THOC7: variants seen among roughly 807,000 people sequenced by gnomAD.
The protein encoded by THOC7 is THO complex subunit 7.
Under a neutral mutation model 33.1 loss-of-function variants are expected in THOC7, and 22 were observed. That is an observed-to-expected ratio of 0.66 (90% CI 0.47 to 0.95). THOC7 has a LOEUF of 0.95. Among genes scored for constraint, THOC7 ranks in the 40% least tolerant of loss-of-function variants. THOC7 has a pLI of 0.00. For synonymous variants in THOC7, 77 were observed against 76.8 expected (o/e 1.00, Z -0.01); for missense variants, 184 against 245.3 (o/e 0.75, Z 1.67).
upstream of THOC7, chr3:63,863,812 G>A: frequency 8.1e-7 from 1 of 1,234,634 alleles, no homozygotes; most frequent in Middle Eastern, 3.1e-4. Flanking sequence ...CGGCGGCGGC[G>A]GCGGCGGCGG....
intron 1 of THOC7, among the ~76,000 whole-genome samples, chr3:63,859,868 G>A (rs1461188440): frequency 6.6e-6 from 1 of 152,200 alleles, no homozygotes; most frequent in Non-Finnish European, 1.5e-5. Context: ...GTTGTAGTTT[G>A]TCTTTCCTCT....
At chr3:63,863,964 CGCCGCCGCCGCCGCG>C (rs1342040621), upstream of THOC7, 2 of 91,422 alleles carry the variant, frequency 2.2e-5, no homozygotes, top group Non-Finnish European at 4.8e-5. Flanking sequence ...CCGCCGCCGC[CGCCGCCGCCGCCGCG>C]GGACCCGCGC....
At chr3:63,842,823 T>C (rs1057128852) in intron 1 of THOC7, among the ~76,000 whole-genome samples, 2 of 152,092 alleles carry the variant, frequency 1.3e-5, no homozygotes, top group African/African-American at 4.8e-5. Flanking sequence ...TCACCACTGA[T>C]CTGGCTGGAA....
intron 7 of THOC7, 78 bp downstream of exon 7, chr3:63,835,076 T>C: frequency 1.4e-6 from 2 of 1,386,580 alleles, no homozygotes; most frequent in Non-Finnish European, 1.0e-6. Flanking sequence ...CTCTCCAAGA[T>C]GTATATTTCA....
At chr3:63,838,546 C>A in intron 2 of THOC7, 47 bp from the exon 3 acceptor site, 1 of 1,541,746 alleles carries the variant, frequency 6.5e-7, no homozygotes, top group Non-Finnish European at 8.7e-7. Flanking sequence ...TGTGGACTGA[C>A]AAAAGTGAAC....
intron 1 of THOC7, among the ~76,000 whole-genome samples, chr3:63,856,624 G>A (rs1214814467): frequency 4.6e-5 from 7 of 152,052 alleles, no homozygotes; most frequent in African/African-American, 1.7e-4. Context: ...ATACCCACTG[G>A]TATACTAGCC....
intron 1 of THOC7, among the ~76,000 whole-genome samples, chr3:63,851,135 C>G (rs1702012200): frequency 6.6e-6 from 1 of 152,132 alleles, no homozygotes; most frequent in African/African-American, 2.4e-5. Context: ...CAGTAGTCTC[C>G]CTGGTGTACT....
intron 1 of THOC7, among the ~76,000 whole-genome samples, chr3:63,853,227 G>C (rs981694300): frequency 6.6e-6 from 1 of 151,576 alleles, no homozygotes; most frequent in African/African-American, 2.4e-5. Context: ...GACTTGGTTA[G>C]GAAAAAACAG....
chr3:63,844,532 T>C (rs1383030724), intron 1 of THOC7, among the ~76,000 whole-genome samples: 4 of 152,206 alleles, frequency 2.6e-5, no homozygotes, highest in Non-Finnish European at 5.9e-5. Context: ...TTAATTGCCA[T>C]CGTGCCAGTA....
chr3:63,848,811 T>C (rs1437535272), intron 1 of THOC7, among the ~76,000 whole-genome samples: 1 of 152,232 alleles, frequency 6.6e-6, no homozygotes, highest in Non-Finnish European at 1.5e-5. Flanking sequence ...TATTTTGTTT[T>C]ACAGATTTAA....
intron 1 of THOC7, 71 bp from the exon 2 acceptor site, chr3:63,839,844 G>T: frequency 1.6e-6 from 2 of 1,243,862 alleles, no homozygotes; most frequent in Non-Finnish European, 2.3e-6. Flanking sequence ...CAGTATCACT[G>T]TTCATTTGTT....
intron 1 of THOC7, 57 bp from the exon 2 acceptor site, chr3:63,839,830 T>C: frequency 7.2e-7 from 1 of 1,385,664 alleles, no homozygotes; most frequent in Non-Finnish European, 1.0e-6. Flanking sequence ...CAAGTACAAA[T>C]AACCAGTATC....
chr3:63,843,151 C>T (rs1000374389), intron 1 of THOC7, among the ~76,000 whole-genome samples: 1 of 151,782 alleles, frequency 6.6e-6, no homozygotes, highest in African/African-American at 2.4e-5. Flanking sequence ...CAGAGTCTCA[C>T]TCTTTCATCC....
upstream of THOC7, chr3:63,863,913 C>G (rs867818374): frequency 8.9e-6 from 9 of 1,012,014 alleles, no homozygotes; most frequent in Non-Finnish European, 1.1e-5. Flanking sequence ...CGGCGGCGCC[C>G]GCGGCCGCCT....
At chr3:63,848,284 C>G (rs1701945503) in intron 1 of THOC7, 1 of 152,080 alleles carries the variant, frequency 6.6e-6, no homozygotes, top group Non-Finnish European at 1.5e-5. Context: ...AGCCTGCTAG[C>G]TGGAGGTTTC....
At chr3:63,842,991 C>T (rs1356122534) in intron 1 of THOC7, among the ~76,000 whole-genome samples, 2 of 151,846 alleles carry the variant, frequency 1.3e-5, no homozygotes, top group Non-Finnish European at 1.5e-5. Context: ...TTTCACCATG[C>T]TGCCCAGGCT....
At chr3:63,841,793 C>T (rs908282398) in intron 1 of THOC7, among the ~76,000 whole-genome samples, 3 of 152,030 alleles carry the variant, frequency 2.0e-5, no homozygotes, top group Non-Finnish European at 4.4e-5. Flanking sequence ...GAAATAAATA[C>T]TAATAGAATT....
At chr3:63,847,602 G>C (rs1458682437) in intron 1 of THOC7, among the ~76,000 whole-genome samples, 1 of 151,986 alleles carries the variant, frequency 6.6e-6, no homozygotes, top group Non-Finnish European at 1.5e-5. Flanking sequence ...CCGGGTGTGG[G>C]GTTGCGTGCC....
chr3:63,863,643 G>T, intron 1 of THOC7, 129 bp downstream of exon 1: 1 of 1,213,122 alleles, frequency 8.2e-7, no homozygotes, highest in Non-Finnish European at 1.0e-6. Flanking sequence ...GGTCGGGAAG[G>T]CCGAAGCGCT....
Sources: gnomAD v4.1 joint callset for allele counts (sites outside exome capture counted in the v4.1 genomes callset) on GRCh38, gnomAD v4.1.1 for gene constraint, MANE v1.5 for transcripts, NCBI Gene and HGNC (gene_info 2026-07-23, HGNC 2026-07-21) for gene names.